The following CIB1 variants were observed in gnomAD, a reference collection of about 807,000 sequenced individuals.
CIB1 encodes calcium and integrin binding 1.
CIB1 carries 19 observed loss-of-function variants against 25.0 expected under a neutral mutation model. The observed-to-expected ratio is 0.76, with a 90% CI of 0.53 to 1.12. The LOEUF (loss-of-function observed/expected upper bound fraction) is 1.12. Among genes scored for constraint, CIB1 ranks in the 50% most tolerant of loss-of-function variants. The pLI is 0.00. For missense variants in CIB1, 236 were observed against 242.6 expected (o/e 0.97, Z 0.18); for synonymous variants, 104 against 98.5 (o/e 1.06, Z -0.33).
At chr15:90,258,219 C>T in the CIB1 span, 1 of 1,614,240 alleles carries the variant, frequency 6.2e-7, no homozygotes, top group Non-Finnish European at 8.5e-7. Context: ...TTTTGAAATC[C>T]TTGGTTTTGA....
chr15:90,253,623 G>A, the CIB1 span, among the ~76,000 whole-genome samples: 3 of 152,200 alleles, frequency 2.0e-5, no homozygotes, highest in Non-Finnish European at 4.4e-5. Context: ...TGGCATCTGT[G>A]TGTAGCTGGC....
At chr15:90,264,837 C>G in the CIB1 span, 2 of 1,536,030 alleles carry the variant, frequency 1.3e-6, no homozygotes, top group Non-Finnish European at 8.7e-7. Flanking sequence ...GCATCTGACT[C>G]ATGGACTGAA....
upstream of CIB1, among the ~76,000 whole-genome samples, chr15:90,238,742 A>T (rs1962686787): frequency 1.3e-5 from 2 of 152,188 alleles, no homozygotes; most frequent in Admixed American, 1.3e-4. Flanking sequence ...GACCAATTGG[A>T]ATCACTATGG....
the CIB1 span, chr15:90,257,121 G>C: frequency 6.2e-7 from 1 of 1,609,698 alleles, no homozygotes; most frequent in South Asian, 1.1e-5. Context: ...TTCCCTCATG[G>C]GTTTGCATGC....
At chr15:90,263,230 C>A in the CIB1 span, 1 of 1,243,522 alleles carries the variant, frequency 8.0e-7, no homozygotes, top group Non-Finnish European at 1.1e-6. Context: ...ACAAAGGAGG[C>A]TTGTGTGATG....
At chr15:90,265,471 A>G in the CIB1 span, 1 of 1,371,188 alleles carries the variant, frequency 7.3e-7, no homozygotes, top group African/African-American at 1.5e-5. Context: ...AAGTTTATGC[A>G]GTTTTCCAGG....
At chr15:90,233,979 C>T, upstream of CIB1, 3 of 1,350,862 alleles carry the variant, frequency 2.2e-6, no homozygotes, top group Non-Finnish European at 2.9e-6. Context: ...CCGGTCCCCG[C>T]GGCAACCGCT....
At chr15:90,246,723 G>A in the CIB1 span, among the ~76,000 whole-genome samples, 4 of 139,194 alleles carry the variant, frequency 2.9e-5, no homozygotes, top group African/African-American at 8.0e-5. Context: ...GGGAGGCAGA[G>A]GGTGCAGTGA....
the CIB1 span, among the ~76,000 whole-genome samples, chr15:90,239,436 A>G: frequency 2.0e-5 from 3 of 152,228 alleles, no homozygotes; most frequent in South Asian, 6.2e-4. Context: ...GCAAGGGTGG[A>G]CAGGCCTCAG....
chr15:90,256,625 CCTTCCTTCCTTCCTT>C, the CIB1 span, among the ~76,000 whole-genome samples: 4 of 95,272 alleles, frequency 4.2e-5, no homozygotes, highest in African/African-American at 1.8e-4. Flanking sequence ...TTCCTTCCTT[CCTTCCTTCCTTCCTT>C]CTTTCTTTCT....
chr15:90,261,864 G>T, the CIB1 span: 1 of 613,768 alleles, frequency 1.6e-6, no homozygotes, highest in Non-Finnish European at 2.7e-6. Context: ...CCAAAGATGG[G>T]CTTGGCAGCT....
the CIB1 span, among the ~76,000 whole-genome samples, chr15:90,249,352 G>A: frequency 6.6e-6 from 1 of 152,200 alleles, no homozygotes; most frequent in Non-Finnish European, 1.5e-5. Flanking sequence ...TTCGAAGCGG[G>A]AGGGCTGCAA....
chr15:90,240,922 A>G, the CIB1 span: 7 of 1,613,316 alleles, frequency 4.3e-6, no homozygotes, highest in African/African-American at 1.3e-5. Context: ...GCTCTTCCAC[A>G]TGATTCAAAC....
the CIB1 span, chr15:90,255,907 T>A: frequency 1.2e-6 from 2 of 1,614,052 alleles, no homozygotes; most frequent in Non-Finnish European, 1.7e-6. Context: ...TGGCTTCCCA[T>A]GCTGAGATAC....
the CIB1 span, chr15:90,262,098 G>C: frequency 3.3e-6 from 5 of 1,536,026 alleles, no homozygotes; most frequent in Non-Finnish European, 4.4e-6. Context: ...ATCTACCCTG[G>C]GCCTGACACA....
chr15:90,263,065 C>T, the CIB1 span: 65 of 1,536,100 alleles, frequency 4.2e-5, no homozygotes, highest in African/African-American at 1.5e-4. Context: ...GACTCTCATC[C>T]GAAGCCTGGG....
At chr15:90,237,545 A>T (rs56156140), upstream of CIB1, among the ~76,000 whole-genome samples, 1 of 151,564 alleles carries the variant, frequency 6.6e-6, no homozygotes, top group African/African-American at 2.4e-5. Flanking sequence ...CAGCCTCCCA[A>T]TGTGCTGGTC....
At chr15:90,256,675 CTTCT>C in the CIB1 span, among the ~76,000 whole-genome samples, 21 of 146,212 alleles carry the variant, frequency 1.4e-4, 1 homozygote, top group African/African-American at 5.1e-4. Context: ...TCCTTTCTTC[CTTCT>C]TTCTCTCTAC....
chr15:90,261,942 C>A, the CIB1 span: 1 of 1,329,306 alleles, frequency 7.5e-7, no homozygotes, highest in South Asian at 1.6e-5. Context: ...CTTAGTCAGT[C>A]TTCCTTTCCC....
Sources: gnomAD v4.1 joint callset for allele counts (sites outside exome capture counted in the v4.1 genomes callset) on GRCh38, gnomAD v4.1.1 for gene constraint, MANE v1.5 for transcripts, NCBI Gene and HGNC (gene_info 2026-07-23, HGNC 2026-07-21) for gene names.